Variants in SETBP1 observed in about 807,000 individuals in gnomAD.
SETBP1 encodes SET-binding protein.
A neutral mutation model predicts 101.0 loss-of-function variants in SETBP1; 9 were observed. The ratio of observed to expected loss-of-function variants is 0.09; its 90% CI spans 0.05 to 0.16. The LOEUF is 0.16. Ranked by LOEUF, SETBP1 falls within the 10% of genes least tolerant of loss-of-function variation. SETBP1 has a pLI of 1.00. For missense variants in SETBP1, 1,858 were observed against 2,033.8 expected (o/e 0.91, Z 1.66); for synonymous variants, 818 against 788.5 (o/e 1.04, Z -0.63).
At chr18:44,802,134 T>C (rs1233890553) in intron 2 of SETBP1, among the ~76,000 whole-genome samples, 1 of 152,194 alleles carries the variant, frequency 6.6e-6, no homozygotes, top group Non-Finnish European at 1.5e-5. Flanking sequence ...AAGGTTCAGA[T>C]CAGAGCTGGT....
intron 5 of SETBP1, among the ~76,000 whole-genome samples, chr18:45,045,583 A>AT (rs1351962661): frequency 2.0e-5 from 3 of 151,874 alleles, no homozygotes; most frequent in Non-Finnish European, 4.4e-5. Context: ...GTTTTGGCTC[A>AT]TTTTTTCTAC....
At chr18:44,851,016 T>C (rs958410712) in intron 2 of SETBP1, among the ~76,000 whole-genome samples, 3 of 152,190 alleles carry the variant, frequency 2.0e-5, no homozygotes, top group Non-Finnish European at 4.4e-5. Flanking sequence ...CCTTGGGATC[T>C]ATTCTGTTAG....
At chr18:44,870,675 A>G (rs2069252124) in intron 3 of SETBP1, 2 of 152,322 alleles carry the variant, frequency 1.3e-5, no homozygotes, top group East Asian at 1.9e-4. Flanking sequence ...CTCCACACCT[A>G]CACTCATACA....
rs142295785 is a variant in SETBP1, at chr18:44,952,349, G to T, written c.3009G>T (p.Pro1003=). 1 of 1,613,916 alleles carries T rather than the reference G, an allele frequency of 6.2e-7. No homozygotes were observed. The highest frequency in any genetic ancestry group is 1.7e-5 in the Admixed American group (1 of 59,988). ...YYPVPYIQYD[P]LLYLRRTSDL... ...CGGTGCCATATATCCAGTATGACCC[G>T]TTGCTCTATCTTCGTAGGACTTCAG... The change falls in exon 4 of 6, where the codon CCG becomes CCT. Residue 1003 remains proline, a synonymous_variant. Transcript: ENST00000649279.
intron 4 of SETBP1, among the ~76,000 whole-genome samples, chr18:44,994,228 CA>C (rs1296368961): frequency 6.6e-6 from 1 of 151,398 alleles, no homozygotes; most frequent in African/African-American, 2.4e-5. Context: ...AGAACACACA[CA>C]AAAAAAAGTT....
chr18:45,016,092 A>G (rs1387794323), intron 4 of SETBP1, among the ~76,000 whole-genome samples: 2 of 152,236 alleles, frequency 1.3e-5, no homozygotes, highest in Non-Finnish European at 2.9e-5. Context: ...CAGCCCGTAC[A>G]TGATAGAGCT....
Position 45,063,709 on chromosome 18 carries a change from G to A in SETBP1, c.*11G>A, listed in dbSNP as rs925398572. The A allele has an allele frequency of 4.4e-6, 7 of 1,602,154 alleles. No individual in the cohort carries two copies. The highest frequency in any genetic ancestry group is 6.0e-6 in the Non-Finnish European group (7 of 1,174,818). On this transcript the variant is annotated 3_prime_UTR_variant, in exon 6 of 6. Coordinates refer to ENST00000649279, the MANE Select transcript of SETBP1 (RefSeq NM_015559.3). ...GAGGTCCTTCCCTAGGGCGGGTCTG[G>A]GCGTCTGCACCTGGGGCCTAGGGAA... is the stretch of plus-strand genomic sequence containing the variant.
At chr18:44,700,762 G>C (rs2069101879) in intron 1 of SETBP1, among the ~76,000 whole-genome samples, 1 of 152,210 alleles carries the variant, frequency 6.6e-6, no homozygotes, top group Non-Finnish European at 1.5e-5. Flanking sequence ...ATGTGACAGA[G>C]AAGCGGTGCA....
chr18:45,042,096 T>C (rs1413117652), intron 5 of SETBP1, among the ~76,000 whole-genome samples: 1 of 151,434 alleles, frequency 6.6e-6, no homozygotes, highest in Admixed American at 6.6e-5. Context: ...TTTTACAGCA[T>C]TAAATATGGT....
chr18:44,684,460 T>G (rs2068805290), intron 1 of SETBP1, among the ~76,000 whole-genome samples: 1 of 152,108 alleles, frequency 6.6e-6, no homozygotes, highest in Non-Finnish European at 1.5e-5. Flanking sequence ...CTGAGATACA[T>G]CACACTGGGG....
At chr18:45,006,988 C>G (rs1175376719) in intron 4 of SETBP1, among the ~76,000 whole-genome samples, 1 of 152,214 alleles carries the variant, frequency 6.6e-6, no homozygotes, top group East Asian at 1.9e-4. Context: ...TCCCATGGAG[C>G]TGTAGAGGGC....
At chr18:44,989,959 G>C (rs997661590) in intron 4 of SETBP1, among the ~76,000 whole-genome samples, 2 of 122,978 alleles carry the variant, frequency 1.6e-5, no homozygotes, top group African/African-American at 5.8e-5. Flanking sequence ...GGAAAAGATA[G>C]ATAACCATCA....
intron 4 of SETBP1, among the ~76,000 whole-genome samples, chr18:45,002,063 C>G (rs928805315): frequency 6.6e-6 from 1 of 152,162 alleles, no homozygotes; most frequent in Non-Finnish European, 1.5e-5. Flanking sequence ...AAAAGCTTCG[C>G]TTCCGTACAT....
chr18:44,871,066 C>G (rs1244856593), intron 3 of SETBP1: 1 of 152,170 alleles, frequency 6.6e-6, no homozygotes, highest in Admixed American at 6.5e-5. Context: ...TCAGCCCTTC[C>G]ATGTTATTCC....
intron 4 of SETBP1, among the ~76,000 whole-genome samples, chr18:45,005,570 C>T (rs767022378): frequency 1.4e-4 from 21 of 151,942 alleles, no homozygotes; most frequent in Non-Finnish European, 2.1e-4. Context: ...TTCACCAAAT[C>T]GGGCAATAAG....
At chr18:44,719,976 A>G (rs2069550879) in intron 2 of SETBP1, among the ~76,000 whole-genome samples, 1 of 152,192 alleles carries the variant, frequency 6.6e-6, no homozygotes, top group Admixed American at 6.5e-5. Context: ...GGGACTTCTC[A>G]GGCATTTGTG....
intron 3 of SETBP1, among the ~76,000 whole-genome samples, chr18:44,884,257 C>A (rs1468707174): frequency 6.6e-6 from 1 of 152,152 alleles, no homozygotes; most frequent in East Asian, 1.9e-4. Flanking sequence ...TGTTCTCATG[C>A]ATGCAATGGA....
chr18:44,930,530 C>A (rs997273300), intron 3 of SETBP1, among the ~76,000 whole-genome samples: 3 of 152,120 alleles, frequency 2.0e-5, no homozygotes, highest in African/African-American at 4.8e-5. Context: ...CCTCTTTGTA[C>A]CTCTGGTAGA....
chr18:44,995,210 T>C (rs1051679244), intron 4 of SETBP1, among the ~76,000 whole-genome samples: 2 of 148,460 alleles, frequency 1.3e-5, no homozygotes, highest in Admixed American at 6.8e-5. Context: ...GGCGCGATCT[T>C]GGCTCACTGC....
Sources: allele counts gnomAD v4.1 joint callset (sites outside exome capture counted in the v4.1 genomes callset), GRCh38; gene constraint gnomAD v4.1.1; transcripts MANE v1.5; gene names NCBI Gene and HGNC (gene_info 2026-07-23, HGNC 2026-07-21).